KAT14: variants seen among roughly 807,000 people sequenced by gnomAD.
KAT14 encodes the protein lysine acetyltransferase 14, also known as cysteine-rich protein 2-binding protein.
A neutral mutation model predicts 78.4 loss-of-function variants in KAT14; 66 were observed. The observed-to-expected ratio is 0.84, with a 90% CI of 0.69 to 1.03. The LOEUF (loss-of-function observed/expected upper bound fraction) is 1.03. Ranked by LOEUF, KAT14 falls within the 50% of genes least tolerant of loss-of-function variation. KAT14 has a pLI of 0.00. For synonymous variants in KAT14, 344 were observed against 359.4 expected, an observed-to-expected ratio of 0.96 and a Z score of 0.48; for missense variants, 870 against 972.5, an observed-to-expected ratio of 0.89 and a Z score of 1.40.
chr20:18,144,666 C>G (rs1284813863), intron 2 of KAT14, among the ~76,000 whole-genome samples: 1 of 152,178 alleles, frequency 6.6e-6, no homozygotes, highest in African/African-American at 2.4e-5. Flanking sequence ...AAATGTAACT[C>G]CTAGGCTCTG....
At chr20:18,166,208 G>A (rs2038634769) in intron 7 of KAT14, among the ~76,000 whole-genome samples, 1 of 152,214 alleles carries the variant, frequency 6.6e-6, no homozygotes, top group Admixed American at 6.5e-5. Context: ...AGGAAAAGCA[G>A]ACATATTTAT....
chr20:18,139,220 G>A (rs1365328165), intron 1 of KAT14, among the ~76,000 whole-genome samples: 1 of 152,156 alleles, frequency 6.6e-6, no homozygotes, highest in African/African-American at 2.4e-5. Flanking sequence ...CAGAGATTTG[G>A]GATTAAAATG....
chr20:18,142,966 G>A (rs754854036), intron 2 of KAT14, 47 bp downstream of exon 2: 5 of 1,594,520 alleles, frequency 3.1e-6, no homozygotes, highest in Middle Eastern at 1.7e-4. Context: ...CTGTGTGAAG[G>A]TTTGTTTTTC....
chr20:18,167,866 T>A (rs975707141), intron 7 of KAT14, among the ~76,000 whole-genome samples: 19 of 147,484 alleles, frequency 1.3e-4, no homozygotes, highest in Admixed American at 2.7e-4. Flanking sequence ...TTATTCTTTT[T>A]TTAATATCAT....
chr20:18,160,441 A>G (rs1200266066), intron 5 of KAT14, among the ~76,000 whole-genome samples: 2 of 152,150 alleles, frequency 1.3e-5, no homozygotes, highest in Non-Finnish European at 1.5e-5. Context: ...CACACTTACC[A>G]GTATGTCTTG....
chr20:18,141,044 T>A (rs1490195926), intron 1 of KAT14, among the ~76,000 whole-genome samples: 3 of 34,934 alleles, frequency 8.6e-5, no homozygotes, highest in Non-Finnish European at 1.3e-4. Context: ...TTTTTTTTTT[T>A]TTATTTTTAT....
rs1223501402 is a variant in KAT14 at position 18,137,877 on chromosome 20, C to G, written c.-628C>G. 1 of 1,377,128 alleles carries G rather than the reference C, an allele frequency of 7.3e-7. No individual in the cohort carries two copies. The highest frequency in any genetic ancestry group is 3.1e-5 in the Admixed American group (1 of 32,234). The allele number at this position is 1,377,128 out of a possible 1,614,324, so 85.3% of individuals were successfully genotyped here. A position where few individuals can be genotyped will look rare whatever the true frequency, so the allele number is the denominator to read the frequency against. On this transcript the variant is annotated 5_prime_UTR_variant, in exon 1 of 11. Coordinates refer to ENST00000688188, the MANE Select transcript of KAT14 (RefSeq NM_001392073.1). ...CTCGAGGGGTCGAGCCTGGGCAGTA[C>G]AGGCGGCGGTGCGCACTCTGCGGCG...
intron 2 of KAT14, 85 bp downstream of exon 2, chr20:18,143,004 A>G: frequency 6.6e-7 from 1 of 1,519,622 alleles, no homozygotes; most frequent in Non-Finnish European, 8.8e-7. Context: ...GTGAATGTAA[A>G]AGAGACCTAA....
intron 7 of KAT14, among the ~76,000 whole-genome samples, chr20:18,170,168 G>A (rs959265544): frequency 2.6e-5 from 4 of 152,216 alleles, no homozygotes; most frequent in African/African-American, 9.6e-5. Context: ...TTATCTAGAA[G>A]ACCTAGCTAA....
At chr20:18,138,390 G>C in intron 1 of KAT14, 2 of 1,045,402 alleles carry the variant, frequency 1.9e-6, no homozygotes, top group Non-Finnish European at 2.3e-6. Flanking sequence ...AGTCACAGCC[G>C]GCCCGCAGGG....
intron 3 of KAT14, 38 bp from the exon 4 acceptor site, chr20:18,150,783 G>C (rs79553957): frequency 1.3e-4 from 205 of 1,612,994 alleles, no homozygotes; most frequent in Non-Finnish European, 1.6e-4. Flanking sequence ...ATCCCTAACC[G>C]TGCTGTTCTC....
intron 1 of KAT14, chr20:18,138,398 G>A (rs764338948): frequency 8.6e-5 from 89 of 1,039,354 alleles, no homozygotes; most frequent in Admixed American, 2.3e-4. Flanking sequence ...CCGGCCCGCA[G>A]GGTGCGGACC....
chr20:18,148,606 T>G (rs544771173), intron 3 of KAT14, among the ~76,000 whole-genome samples: 16 of 150,590 alleles, frequency 1.1e-4, no homozygotes, highest in African/African-American at 4.0e-4. Flanking sequence ...GGGGTTCATT[T>G]TTTTTTGTTT....
rs746500595 is a variant in KAT14, at chr20:18,142,681, G to A, written c.21G>A (p.Leu7=). 2 of 1,614,064 alleles carry A rather than the reference G, an allele frequency of 1.2e-6. No homozygotes were observed. Among genetic ancestry groups the A allele is most frequent in the African/African-American group, 1.3e-5 (1 of 74,916 alleles). Residue 7 remains leucine, a synonymous_variant, in exon 2 of 11, where the codon CTG becomes CTA. Coordinates refer to ENST00000688188, the MANE Select transcript of KAT14 (RefSeq NM_001392073.1). MDSSIH[L]SSLISRHDDE... The stretch of plus-strand genomic sequence containing the variant: ...AAGGGATGGATAGTAGCATCCACCT[G>A]AGTAGTCTGATCAGTCGGCATGATG...
intron 9 of KAT14, 191 bp downstream of exon 9, chr20:18,183,489 A>G (rs956501914): frequency 5.1e-6 from 5 of 982,662 alleles, no homozygotes; most frequent in Non-Finnish European, 6.0e-6. Flanking sequence ...CCAGCAATAA[A>G]CAGTGTTTTT....
chr20:18,139,482 G>C (rs547589581), intron 1 of KAT14, among the ~76,000 whole-genome samples: 4 of 152,270 alleles, frequency 2.6e-5, no homozygotes, highest in Non-Finnish European at 4.4e-5. Flanking sequence ...CCCCACCCCA[G>C]ACCATTTAAA....
chr20:18,143,702 A>G (rs1012099395), intron 2 of KAT14, among the ~76,000 whole-genome samples: 4 of 147,390 alleles, frequency 2.7e-5, no homozygotes, highest in Non-Finnish European at 5.9e-5. Context: ...ATCTTGGCTC[A>G]CTGCAACCTC....
chr20:18,184,037 C>T (rs1307361027), intron 9 of KAT14, among the ~76,000 whole-genome samples: 2 of 152,164 alleles, frequency 1.3e-5, no homozygotes, highest in East Asian at 1.9e-4. Flanking sequence ...CATACTGAGC[C>T]AAAAGTAACA....
chr20:18,175,957 A>G (rs191600327), intron 7 of KAT14, among the ~76,000 whole-genome samples: 1 of 149,320 alleles, frequency 6.7e-6, no homozygotes, highest in East Asian at 2.0e-4. Context: ...GTAGTGAGCC[A>G]TGATCATGCC....
Sources: gnomAD v4.1 joint callset for allele counts (sites outside exome capture counted in the v4.1 genomes callset) on GRCh38, gnomAD v4.1.1 for gene constraint, MANE v1.5 for transcripts, NCBI Gene and HGNC (gene_info 2026-07-23, HGNC 2026-07-21) for gene names.